NME7: variants seen among roughly 807,000 people sequenced by gnomAD.
NME7 encodes nucleoside diphosphate kinase 7.
A neutral mutation model predicts 49.1 loss-of-function variants in NME7; 41 were observed. The observed-to-expected ratio is 0.83, with a 90% CI of 0.65 to 1.08. The LOEUF is 1.08. Ranked by LOEUF, NME7 falls within the 50% of genes least tolerant of loss-of-function variation. NME7 has a pLI of 0.00. For synonymous variants in NME7, 139 were observed against 150.6 expected (o/e 0.92, Z 0.56); for missense variants, 423 against 463.4 (o/e 0.91, Z 0.80).
chr1:169,307,937 T>C (rs1355650166), intron 4 of NME7, among the ~76,000 whole-genome samples: 2 of 151,648 alleles, frequency 1.3e-5, no homozygotes, highest in African/African-American at 4.9e-5. Flanking sequence ...GGAGAATTGC[T>C]TGAACCTGGG....
chr1:169,235,062 G>T, intron 9 of NME7, 69 bp downstream of exon 9: 3 of 830,256 alleles, frequency 3.6e-6, no homozygotes, highest in Non-Finnish European at 5.5e-6. Context: ...CAGGAGCTTA[G>T]TCCAAAACAC....
At position 169,224,670 on chromosome 1, in the gene NME7, A is replaced by G. The variant is rs1647243088; in HGVS notation, c.990+6048T>C. On this transcript the variant is annotated intron_variant, in intron 10 of 11. Transcript: ENST00000367811. ...TTTTTCTTTAATAGGACCATATTCT[A>G]TTTCGAAAAATCTATTCATTTGTCC... 2.0e-5 allele frequency among the ~76,000 whole-genome samples: 3 copies of G among 152,156 alleles called. No homozygotes were observed. In the South Asian group the frequency reaches 6.2e-4, roughly 32 times the overall value.
At chr1:169,365,115 A>G (rs1653804242) in intron 1 of NME7, among the ~76,000 whole-genome samples, 1 of 152,108 alleles carries the variant, frequency 6.6e-6, no homozygotes, top group African/African-American at 2.4e-5. Context: ...AACTGACTCT[A>G]CTAGTCCTAT....
intron 1 of NME7, among the ~76,000 whole-genome samples, chr1:169,335,509 G>A (rs1042846544): frequency 1.3e-5 from 2 of 151,660 alleles, no homozygotes; most frequent in African/African-American, 4.8e-5. Flanking sequence ...GGTGAACAAT[G>A]AGAACACATA....
intron 10 of NME7, among the ~76,000 whole-genome samples, chr1:169,188,867 A>T (rs1430487069): frequency 1.3e-5 from 2 of 152,204 alleles, no homozygotes; most frequent in African/African-American, 4.8e-5. Context: ...TGAATGCTGG[A>T]TCACATAGTG....
intron 10 of NME7, among the ~76,000 whole-genome samples, chr1:169,169,946 T>C (rs1419934431): frequency 1.3e-5 from 2 of 152,140 alleles, no homozygotes; most frequent in East Asian, 1.9e-4. Flanking sequence ...AGAAAAAATA[T>C]GGTCACAAAT....
rs1571416501 is a variant in NME7 at position 169,355,132 on chromosome 1, GATATAATATATAATATACTATATATT to G, written c.3+12550_3+12575del. Among the ~76,000 whole-genome samples the G allele has an allele frequency of 2.5e-4, 8 of 31,704 alleles. 3 individuals carry two copies. In the East Asian group the frequency reaches 0.015, roughly 58 times the overall value. The allele number at this position is 31,704 out of a possible 152,430, so 20.8% of individuals were successfully genotyped here. Reference sequence around the variant, plus strand: ...AATATATAATATACTATATATTATAGATATAATATATAATATACTATATATTATAGATATAATATATAATATACTAT... The same window carrying G: ...AATATATAATATACTATATATTATAGATAGATATAATATATAATATACTAT... On this transcript the variant is annotated intron_variant, in intron 1 of 11. Coordinates refer to ENST00000367811, the MANE Select transcript of NME7 (RefSeq NM_013330.5).
chr1:169,148,313 A>G (rs2101818238), intron 11 of NME7, among the ~76,000 whole-genome samples: 1 of 152,174 alleles, frequency 6.6e-6, no homozygotes, highest in African/African-American at 2.4e-5. Flanking sequence ...TCATTTCTTT[A>G]AAAGCTTTCC....
chr1:169,251,959 A>G (rs1287773563), intron 7 of NME7, among the ~76,000 whole-genome samples: 1 of 149,818 alleles, frequency 6.7e-6, no homozygotes, highest in African/African-American at 2.4e-5. Context: ...CCAGTCTATC[A>G]TTGTTGGACA....
chr1:169,355,348 A>G (rs1468693381), intron 1 of NME7, among the ~76,000 whole-genome samples: 1 of 85,928 alleles, frequency 1.2e-5, no homozygotes, highest in Non-Finnish European at 2.2e-5. Flanking sequence ...ATTATATTAT[A>G]TATATTAAAT....
intron 7 of NME7, among the ~76,000 whole-genome samples, chr1:169,267,633 G>C (rs1052241278): frequency 1.5e-5 from 2 of 132,902 alleles, no homozygotes; most frequent in African/African-American, 5.1e-5. Context: ...ACAACCATCT[G>C]ATCTTTGACA....
At chr1:169,278,920 C>T (rs1337328409) in intron 7 of NME7, among the ~76,000 whole-genome samples, 1 of 152,162 alleles carries the variant, frequency 6.6e-6, no homozygotes, top group African/African-American at 2.4e-5. Context: ...CCCTCCGCTG[C>T]AGGTCTGTTG....
intron 6 of NME7, among the ~76,000 whole-genome samples, chr1:169,291,265 G>A (rs956435133): frequency 6.6e-6 from 1 of 152,106 alleles, no homozygotes; most frequent in African/African-American, 2.4e-5. Context: ...CAACCCAAAT[G>A]CCCATCAGTG....
At chr1:169,290,447 A>G (rs1650453205) in intron 6 of NME7, among the ~76,000 whole-genome samples, 1 of 152,160 alleles carries the variant, frequency 6.6e-6, no homozygotes, top group South Asian at 2.1e-4. Context: ...GGTATTGGGA[A>G]AACTGGCTAG....
At chr1:169,342,636 GTATATATATATACAAGTACAT>G (rs1557831336) in intron 1 of NME7, among the ~76,000 whole-genome samples, 1 of 26,534 alleles carries the variant, frequency 3.8e-5, no homozygotes, top group Admixed American at 5.5e-4. Context: ...CATATATATA[GTATATATATATACAAGTACAT>G]ATATATATAG....
intron 7 of NME7, chr1:169,286,092 A>G (rs1650266011): frequency 6.6e-6 from 1 of 152,206 alleles, no homozygotes; most frequent in South Asian, 2.1e-4. Context: ...AGGACTTAAC[A>G]GCAGCCAGAA....
chr1:169,237,508 T>C (rs1647905054), intron 8 of NME7, 115 bp downstream of exon 8: 2 of 675,224 alleles, frequency 3.0e-6, no homozygotes, highest in Non-Finnish European at 5.0e-6. Flanking sequence ...AGTAAGTATG[T>C]CTTTTATTTT....
intron 7 of NME7, among the ~76,000 whole-genome samples, chr1:169,242,410 A>T (rs76846744): frequency 0.083 from 12,564 of 152,038 alleles, 700 homozygotes; most frequent in Admixed American, 0.19. Flanking sequence ...AGAAAAAAAT[A>T]GAAATAGAAG....
Position 169,323,272 on chromosome 1 carries a change from CT to C in NME7, c.122del (p.Lys41ArgfsTer7). On this transcript the variant is annotated frameshift_variant, in exon 3 of 12. Coordinates refer to ENST00000367811, the MANE Select transcript of NME7 (RefSeq NM_013330.5). LOFTEE classifies it high-confidence loss of function. ...GDGSVEMHDV[K>X]NHRTFLKRTK... ...TCCGCTTTAAAAAGGTGCGATGATT[CT>C]TTACATCATGCTAGAACCAGACACA... is the stretch of plus-strand genomic sequence containing the variant. 6.3e-7 allele frequency: 1 copy of C among 1,595,230 alleles called. No individual in the cohort carries two copies. The highest frequency in any genetic ancestry group is 8.5e-7 in the Non-Finnish European group (1 of 1,172,162).
Sources: allele counts gnomAD v4.1 joint callset (sites outside exome capture counted in the v4.1 genomes callset), GRCh38; gene constraint gnomAD v4.1.1; transcripts MANE v1.5; gene names NCBI Gene and HGNC (gene_info 2026-07-23, HGNC 2026-07-21).